PBRM1: variants seen among roughly 807,000 people sequenced by gnomAD.
PBRM1 encodes the protein polybromo 1.
In PBRM1, 27 loss-of-function variants were observed where a neutral mutation model predicts 194.5. The observed-to-expected ratio is 0.14, with a 90% confidence interval of 0.10 to 0.19. The LOEUF is 0.19. PBRM1 is among the 10% of genes least tolerant of loss of function. The pLI is 1.00. For missense variants in PBRM1, 1,466 were observed against 2,077.2 expected, an observed-to-expected ratio of 0.71 and a Z score of 5.72; for synonymous variants, 655 against 693.2, an observed-to-expected ratio of 0.94 and a Z score of 0.87.
intron 11 of PBRM1, among the ~76,000 whole-genome samples, chr3:52,631,471 T>C (rs773251242): frequency 2.0e-5 from 3 of 152,230 alleles, no homozygotes; most frequent in Admixed American, 6.5e-5. Context: ...AAGGTAGTTT[T>C]ACCTGCTTCT....
chr3:52,586,686 T>C, exon 20 of PBRM1: 2 of 1,583,104 alleles, frequency 1.3e-6, no homozygotes, highest in Non-Finnish European at 1.7e-6. Context: ...ACTTAAAGTA[T>C]TCCTGGGGGG....
At chr3:52,670,875 C>T (rs938506637) in intron 2 of PBRM1, among the ~76,000 whole-genome samples, 3 of 152,202 alleles carry the variant, frequency 2.0e-5, no homozygotes, top group Non-Finnish European at 4.4e-5. Flanking sequence ...CTAAGGAAAA[C>T]AAAGCAAAAC....
chr3:52,638,992 G>C (rs540001986), intron 10 of PBRM1, among the ~76,000 whole-genome samples: 6 of 122,636 alleles, frequency 4.9e-5, no homozygotes, highest in African/African-American at 6.0e-5. Context: ...TTTTTGGGGG[G>C]GGGGGGCGGG....
chr3:52,604,488 G>A (rs1171001871), intron 16 of PBRM1, among the ~76,000 whole-genome samples: 1 of 152,132 alleles, frequency 6.6e-6, no homozygotes, highest in Admixed American at 6.5e-5. Context: ...ACTGCTTAAG[G>A]CCAGGAGTTT....
chr3:52,575,508 CTTTTTTT>C (rs1177139118), intron 22 of PBRM1, among the ~76,000 whole-genome samples: 4 of 87,138 alleles, frequency 4.6e-5, no homozygotes, highest in East Asian at 3.0e-4. Flanking sequence ...AATCAATTGT[CTTTTTTT>C]TTTTTTTTTT....
chr3:52,658,338 ACTTT>A (rs778492842), intron 4 of PBRM1, 23 bp from the exon 6 acceptor site: 211 of 1,264,612 alleles, frequency 1.7e-4, no homozygotes, highest in Non-Finnish European at 2.0e-4. Context: ...AGAAAAAAGT[ACTTT>A]CTAAGAGAAA....
intron 2 of PBRM1, among the ~76,000 whole-genome samples, chr3:52,677,701 T>C (rs931059948): frequency 1.4e-4 from 21 of 151,960 alleles, no homozygotes; most frequent in African/African-American, 4.4e-4. Context: ...GAATGAGCCA[T>C]TGCGCCCAGC....
intron 22 of PBRM1, among the ~76,000 whole-genome samples, chr3:52,567,917 G>A (rs532599584): frequency 1.9e-3 from 290 of 151,172 alleles, no homozygotes; most frequent in Admixed American, 2.7e-3. Flanking sequence ...CCAAACTGCT[G>A]GGATTACAGG....
At chr3:52,623,409 TG>T (rs1327759106) in intron 13 of PBRM1, among the ~76,000 whole-genome samples, 15 of 152,268 alleles carry the variant, frequency 9.9e-5, no homozygotes, top group Non-Finnish European at 1.9e-4. Flanking sequence ...GAGCTTCAGT[TG>T]TGCTTACTAG....
At chr3:52,560,833 TAAAG>T (rs1220715091) in intron 25 of PBRM1, 1 of 151,972 alleles carries the variant, frequency 6.6e-6, no homozygotes. Flanking sequence ...TTTTTTTTTT[TAAAG>T]AAGTTTCTTT....
chr3:52,679,860 G>GTT (rs771655951), upstream of PBRM1: 1,498 of 394,612 alleles, frequency 3.8e-3, no homozygotes, highest in South Asian at 7.0e-3. Context: ...CTAGCTATAA[G>GTT]TTTTTTTTTT....
chr3:52,664,281 T>C (rs2096784213), intron 3 of PBRM1, among the ~76,000 whole-genome samples: 2 of 151,018 alleles, frequency 1.3e-5, no homozygotes, highest in Admixed American at 6.6e-5. Context: ...ACAATGAGTT[T>C]GAAAACAATG....
intron 22 of PBRM1, among the ~76,000 whole-genome samples, chr3:52,570,264 A>G (rs1215022640): frequency 6.6e-6 from 1 of 152,264 alleles, no homozygotes; most frequent in Non-Finnish European, 1.5e-5. Context: ...GGCATGAGCC[A>G]TCGCACCCAG....
At position 52,678,600 on chromosome 3, in the gene PBRM1, A is replaced by G; in HGVS notation, c.139-3T>C. On this transcript the variant is annotated splice_polypyrimidine_tract_variant and splice_region_variant and intron_variant, in intron 1 of 29. Coordinates refer to ENST00000296302, the Ensembl canonical transcript of PBRM1. ...TAGAGTTCATGGCACACGGCAATCT[A>G]CACATTAGCAAAGGAGAAAAAAATC... 6.3e-7 allele frequency: 1 copy of G among 1,589,202 alleles called. No homozygotes were observed. Among genetic ancestry groups the G allele is most frequent in the Non-Finnish European group, 8.6e-7 (1 of 1,157,638 alleles).
intron 20 of PBRM1, among the ~76,000 whole-genome samples, chr3:52,581,237 T>A (rs2091084261): frequency 6.6e-6 from 1 of 151,982 alleles, no homozygotes; most frequent in Admixed American, 6.6e-5. Flanking sequence ...AGGCCGGGAG[T>A]GGTGGCTTAC....
chr3:52,654,438 T>C (rs963207700), intron 5 of PBRM1, among the ~76,000 whole-genome samples: 4 of 152,160 alleles, frequency 2.6e-5, no homozygotes, highest in African/African-American at 9.7e-5. Flanking sequence ...TTCAAAGTCA[T>C]CCAATCCCAC....
At chr3:52,586,357 T>C in intron 20 of PBRM1, 68 bp downstream of exon 22, 1 of 1,304,806 alleles carries the variant, frequency 7.7e-7, no homozygotes, top group East Asian at 2.3e-5. Flanking sequence ...GAATACTTTA[T>C]TCATTTATTT....
At chr3:52,679,184 T>C (rs1339174148) in intron 1 of PBRM1, among the ~76,000 whole-genome samples, 4 of 152,240 alleles carry the variant, frequency 2.6e-5, no homozygotes, top group Non-Finnish European at 4.4e-5. Context: ...ATTTTCTTCT[T>C]AGCACTTATT....
At chr3:52,596,336 G>A (rs2093541321) in intron 17 of PBRM1, among the ~76,000 whole-genome samples, 1 of 150,672 alleles carries the variant, frequency 6.6e-6, no homozygotes, top group Non-Finnish European at 1.5e-5. Flanking sequence ...TACTCGGGGG[G>A]CTGAGGCAGG....
Sources: allele counts gnomAD v4.1 joint callset (sites outside exome capture counted in the v4.1 genomes callset), GRCh38; gene constraint gnomAD v4.1.1; transcripts MANE v1.5; gene names NCBI Gene and HGNC (gene_info 2026-07-23, HGNC 2026-07-21).